The following RXFP2 variants were observed in gnomAD, a reference collection of about 807,000 sequenced individuals.
RXFP2 encodes the protein relaxin receptor 2.
RXFP2 carries 68 observed loss-of-function variants against 88.6 expected under a neutral mutation model. The observed-to-expected ratio is 0.77, with a 90% CI of 0.63 to 0.94. The LOEUF (loss-of-function observed/expected upper bound fraction) is 0.94, where lower values mean the gene tolerates loss of function less well. Among genes scored for constraint, RXFP2 ranks in the 40% least tolerant of loss-of-function variants. The pLI is 0.00. For synonymous variants in RXFP2, 329 were observed against 306.8 expected (o/e 1.07, Z -0.76); for missense variants, 791 against 893.9 (o/e 0.88, Z 1.47).
intron 1 of RXFP2, among the ~76,000 whole-genome samples, chr13:31,747,500 A>G (rs577702518): frequency 2.0e-4 from 30 of 152,242 alleles, no homozygotes; most frequent in African/African-American, 7.2e-4. Context: ...AGCTTCTGAC[A>G]TGGATTATCA....
intron 2 of RXFP2, among the ~76,000 whole-genome samples, chr13:31,761,233 C>T (rs1424452477): frequency 2.6e-5 from 4 of 152,148 alleles, no homozygotes; most frequent in East Asian, 1.9e-4. Context: ...AGGTTACAGA[C>T]GAGTGCCGCT....
chr13:31,769,849 GGAGTGTGAAGGT>G (rs1424465799), intron 5 of RXFP2, among the ~76,000 whole-genome samples: 6 of 151,986 alleles, frequency 3.9e-5, no homozygotes, highest in Non-Finnish European at 5.9e-5. Flanking sequence ...TTTTCTTACC[GGAGTGTGAAGGT>G]CTTTTTGTAT....
intron 7 of RXFP2, among the ~76,000 whole-genome samples, chr13:31,775,896 G>A (rs1717945352): frequency 6.6e-6 from 1 of 152,206 alleles, no homozygotes; most frequent in South Asian, 2.1e-4. Flanking sequence ...AATACACAAG[G>A]GGCGGTTAGC....
intron 1 of RXFP2, among the ~76,000 whole-genome samples, chr13:31,754,393 T>G (rs1290509718): frequency 6.6e-6 from 1 of 152,098 alleles, no homozygotes; most frequent in African/African-American, 2.4e-5. Flanking sequence ...TAGCCGGGCG[T>G]GGTGGCGTGT....
chr13:31,799,583 AC>A (rs1874232057), intron 17 of RXFP2, among the ~76,000 whole-genome samples: 1 of 152,096 alleles, frequency 6.6e-6, no homozygotes, highest in Admixed American at 6.5e-5. Flanking sequence ...TGGAAGAAGG[AC>A]CCAGCAACAA....
At chr13:31,746,220 AT>A (rs1566211879) in intron 1 of RXFP2, among the ~76,000 whole-genome samples, 1 of 152,314 alleles carries the variant, frequency 6.6e-6, no homozygotes, top group East Asian at 1.9e-4. Flanking sequence ...AACCTGTTCA[AT>A]GGATCATACA....
intron 2 of RXFP2, among the ~76,000 whole-genome samples, chr13:31,759,993 G>A (rs1039955115): frequency 2.0e-5 from 3 of 152,180 alleles, no homozygotes; most frequent in Non-Finnish European, 4.4e-5. Context: ...TAGGATGGCT[G>A]CAATTTCTCT....
chr13:31,776,112 TTC>T (rs1322435326), intron 7 of RXFP2, among the ~76,000 whole-genome samples: 21 of 146,986 alleles, frequency 1.4e-4, no homozygotes, highest in African/African-American at 4.3e-4. Context: ...TTTTCTTTCT[TTC>T]TTTCTTTCTT....
rs181678991 is a variant in RXFP2, at chr13:31,770,671, C to T, written c.498-3949C>T. On this transcript the variant is annotated intron_variant, in intron 5 of 17. Coordinates refer to ENST00000298386, the MANE Select transcript of RXFP2 (RefSeq NM_130806.5). ...TTTCTTGCTTCTCCAACTAGATACA[C>T]ATTTTTATTGCCACAGTATTCTCTA... is the stretch of plus-strand genomic sequence containing the variant. Among the ~76,000 whole-genome samples the T allele has an allele frequency of 2.1e-4, 32 of 152,290 alleles. No individual in the cohort carries two copies. The East Asian group carries it at 5.2e-3, about 25-fold the overall frequency.
chr13:31,764,994 G>A (rs767091083), intron 3 of RXFP2, 43 bp from the exon 4 acceptor site: 1 of 1,017,206 alleles, frequency 9.8e-7, no homozygotes, highest in Non-Finnish European at 1.6e-6. Flanking sequence ...CATAATTAAT[G>A]TATTTGTTTA....
Position 31,781,624 on chromosome 13 carries a change from G to A in RXFP2, c.786-47G>A, listed in dbSNP as rs772245844. ...TTTTAAAAAGTATCTCTAAGCATAT[G>A]ATTTGTACAAAAAATATTAAAAATA... is the stretch of plus-strand genomic sequence containing the variant. On this transcript the variant is annotated intron_variant, in intron 9 of 17. Coordinates refer to ENST00000298386, the MANE Select transcript of RXFP2 (RefSeq NM_130806.5). 8 of 1,365,224 alleles carry A rather than the reference G, an allele frequency of 5.9e-6. No homozygotes were observed. In the South Asian group the frequency reaches 7.1e-5, roughly 12 times the overall value. 84.6% of individuals were successfully genotyped at this position (1,365,224 alleles called of 1,614,324 possible).
Position 31,786,554 on chromosome 13 carries a change from T to TTA in RXFP2, c.1002-12_1002-11insTA. The TTA allele has an allele frequency of 6.7e-7, 1 of 1,496,388 alleles. No individual in the cohort carries two copies. Among genetic ancestry groups the TTA allele is most frequent in the East Asian group, 2.3e-5 (1 of 43,756 alleles). The allele number at this position is 1,496,388 out of a possible 1,614,324, so 92.7% of individuals were successfully genotyped here. ...CTTCTTTTCCTCTCTCATCTAATGG[T>TTA]AAAAAAAAAAGGAACCTGTCATCCA... On this transcript the variant is annotated splice_polypyrimidine_tract_variant and intron_variant, in intron 12 of 17. Transcript: ENST00000298386.
At chr13:31,744,416 A>T (rs1871327471) in intron 1 of RXFP2, among the ~76,000 whole-genome samples, 1 of 152,218 alleles carries the variant, frequency 6.6e-6, no homozygotes, top group South Asian at 2.1e-4. Flanking sequence ...GGTCAGTAGG[A>T]AACTATATAG....
intron 9 of RXFP2, among the ~76,000 whole-genome samples, chr13:31,779,901 G>T (rs181471608): frequency 3.3e-5 from 5 of 152,254 alleles, no homozygotes; most frequent in Admixed American, 1.3e-4. Flanking sequence ...AACAGTAGAG[G>T]TCTCACGTAA....
chr13:31,769,766 G>A (rs1222865488), intron 5 of RXFP2, among the ~76,000 whole-genome samples: 4 of 152,142 alleles, frequency 2.6e-5, no homozygotes, highest in African/African-American at 9.7e-5. Flanking sequence ...TTGTACTCAT[G>A]CACTTAGCAT....
intron 5 of RXFP2, 43 bp from the exon 6 acceptor site, chr13:31,774,577 C>A: frequency 1.0e-6 from 1 of 955,128 alleles, no homozygotes; most frequent in Non-Finnish European, 1.7e-6. Flanking sequence ...TAATATAGTC[C>A]ATAAACCATA....
intron 9 of RXFP2, among the ~76,000 whole-genome samples, chr13:31,778,880 C>T (rs1410622151): frequency 3.3e-5 from 5 of 152,140 alleles, no homozygotes; most frequent in Admixed American, 3.3e-4. Context: ...ATTCCCTAAG[C>T]ATATTGTTCC....
At chr13:31,791,496 C>T (rs1300012467) in intron 14 of RXFP2, among the ~76,000 whole-genome samples, 1 of 152,132 alleles carries the variant, frequency 6.6e-6, no homozygotes, top group Non-Finnish European at 1.5e-5. Flanking sequence ...TTTCATAATA[C>T]CTTACAGAAT....
chr13:31,754,271 C>T (rs541633082), intron 1 of RXFP2, among the ~76,000 whole-genome samples: 2 of 152,328 alleles, frequency 1.3e-5, no homozygotes, highest in South Asian at 4.1e-4. Flanking sequence ...TGGCTCACAC[C>T]TGCAATCTCA....
Sources: allele counts gnomAD v4.1 joint callset (sites outside exome capture counted in the v4.1 genomes callset), GRCh38; gene constraint gnomAD v4.1.1; transcripts MANE v1.5; gene names NCBI Gene and HGNC (gene_info 2026-07-23, HGNC 2026-07-21).